The following RAPH1 variants were observed in gnomAD, a reference collection of about 807,000 sequenced individuals.
RAPH1 encodes Ras association (RalGDS/AF-6) and pleckstrin homology domains 1, also known as ras-associated and pleckstrin homology domains-containing protein 1.
RAPH1 carries 18 observed loss-of-function variants against 88.1 expected under a neutral mutation model. The observed-to-expected ratio is 0.20, with a 90% confidence interval of 0.14 to 0.30. The LOEUF is 0.30. Among genes scored for constraint, RAPH1 ranks in the 10% least tolerant of loss-of-function variants. The probability of loss-of-function intolerance (pLI) is 1.00; values close to 1 mark genes in which losing one functional copy is unlikely to be tolerated. For missense variants in RAPH1, 1,448 were observed against 1,543.2 expected (o/e 0.94, Z 1.03); for synonymous variants, 587 against 559.0 (o/e 1.05, Z -0.71).
chr2:203,513,270 T>C (rs145324707), intron 1 of RAPH1, among the ~76,000 whole-genome samples: 69 of 152,032 alleles, frequency 4.5e-4, no homozygotes, highest in African/African-American at 1.6e-3. Context: ...CCAACCCCAT[T>C]CTATTTTTGT....
rs757040780 is a variant in RAPH1, at chr2:203,489,966, GCTT to G, written c.347_349del (p.Lys116_Ala117delinsThr). 9.9e-6 allele frequency: 16 copies of G among 1,614,092 alleles called. No individual in the cohort carries two copies. In the African/African-American group the frequency reaches 2.1e-4, roughly 22 times the overall value. ...TCGGCTAACAGGCAATTTCTGAGTAGCTTTCGTTTCTGTGATTTGACGCTTACT... is the reference window on the plus strand; with the variant it reads ...TCGGCTAACAGGCAATTTCTGAGTAGTCGTTTCTGTGATTTGACGCTTACT... On this transcript the variant is annotated inframe_deletion, in exon 4 of 14. Coordinates refer to ENST00000319170, the MANE Select transcript of RAPH1 (RefSeq NM_213589.3).
In RAPH1 at chr2:203,448,164, G is replaced by T; in HGVS notation, c.1513-85C>A. 1.5e-6 allele frequency: 2 copies of T among 1,299,332 alleles called. No homozygotes were observed. The highest frequency in any genetic ancestry group is 2.2e-6 in the Non-Finnish European group (2 of 926,470). The allele number at this position is 1,299,332 out of a possible 1,614,324, so 80.5% of individuals were successfully genotyped here. A position where few individuals can be genotyped will look rare whatever the true frequency, so the allele number is the denominator to read the frequency against. ...AAGGTGAAATGGGGGACATATTTCTGTTTACTGATTGATGGTCTGTATTAA... is the reference window on the plus strand; with the variant it reads ...AAGGTGAAATGGGGGACATATTTCTTTTTACTGATTGATGGTCTGTATTAA... On this transcript the variant is annotated intron_variant, in intron 11 of 13. Transcript: ENST00000319170. This position sits in a 1 kb window ranked among gnomAD's most constrained non-coding sequence, Gnocchi z 4.1.
chr2:203,517,633 C>T (rs1689676447), intron 1 of RAPH1, among the ~76,000 whole-genome samples: 1 of 152,070 alleles, frequency 6.6e-6, no homozygotes, highest in Non-Finnish European at 1.5e-5. Context: ...ACACCATTAA[C>T]AAATGTAACA....
chr2:203,523,045 C>G (rs1047312751), intron 1 of RAPH1, among the ~76,000 whole-genome samples: 2 of 151,686 alleles, frequency 1.3e-5, no homozygotes, highest in Admixed American at 6.6e-5. Context: ...ATCAATGTAA[C>G]AGAATGGAAA....
chr2:203,448,283 C>G lies in RAPH1; in HGVS notation c.1513-204G>C, dbSNP rs2098511751. On this transcript the variant is annotated intron_variant, in intron 11 of 13. Transcript: ENST00000319170. This position sits in a 1 kb window ranked among gnomAD's most constrained non-coding sequence, Gnocchi z 4.1. ...CATTTTTAGAGGGGCAGCAAGAAGT[C>G]AACACTTGATTCTGTTTGTTATAAA... is the stretch of plus-strand genomic sequence containing the variant. 6.6e-6 allele frequency among the ~76,000 whole-genome samples: 1 copy of G among 152,144 alleles called. No homozygotes were observed. The highest frequency in any genetic ancestry group is 2.1e-4 in the South Asian group (1 of 4,828).
At chr2:203,507,883 T>C (rs904492878) in intron 1 of RAPH1, among the ~76,000 whole-genome samples, 2 of 152,126 alleles carry the variant, frequency 1.3e-5, no homozygotes, top group African/African-American at 4.8e-5. Flanking sequence ...GATAACAGTA[T>C]TGCAGTGACG....
chr2:203,440,432 G>A lies in RAPH1; in HGVS notation c.2758C>T (p.Pro920Ser). 6.5e-7 allele frequency: 1 copy of A among 1,548,740 alleles called. No individual in the cohort carries two copies. Among genetic ancestry groups the A allele is most frequent in the South Asian group, 1.2e-5 (1 of 80,116 alleles). Residue 920 changes from proline to serine, a missense_variant, in exon 14 of 14, where the codon CCT becomes TCT. Coordinates refer to ENST00000319170, the MANE Select transcript of RAPH1 (RefSeq NM_213589.3). Reference sequence around the variant, plus strand: ...GGAAACACCAGGCTGCTTTCAGGAGGGGGAGGAGGGAAGTCCGGAGAAGGG... The same window carrying A: ...GGAAACACCAGGCTGCTTTCAGGAGAGGGAGGAGGGAAGTCCGGAGAAGGG... The part of the protein sequence containing the change: ...PVPSPDFPPP[P>S]PESSLVFPPP...
At chr2:203,469,499 A>T (rs1304985508) in intron 4 of RAPH1, among the ~76,000 whole-genome samples, 1 of 152,206 alleles carries the variant, frequency 6.6e-6, no homozygotes, top group African/African-American at 2.4e-5. Flanking sequence ...CAATAACAAC[A>T]ACTTAGGGAC....
intron 13 of RAPH1, chr2:203,441,963 C>A: frequency 1.4e-6 from 2 of 1,475,826 alleles, no homozygotes; most frequent in South Asian, 3.1e-5. Flanking sequence ...CGTGCACAGT[C>A]ACACAGGAAT....
chr2:203,499,040 G>A (rs1375756734), intron 1 of RAPH1, among the ~76,000 whole-genome samples: 1 of 152,114 alleles, frequency 6.6e-6, no homozygotes, highest in Non-Finnish European at 1.5e-5. Flanking sequence ...ATACCACCTG[G>A]GTTTGTGTAA....
chr2:203,451,093 T>C (rs1375278310), intron 10 of RAPH1, among the ~76,000 whole-genome samples: 1 of 152,124 alleles, frequency 6.6e-6, no homozygotes, highest in Non-Finnish European at 1.5e-5. Context: ...CAAAACATTT[T>C]TTCATCCTCT....
At chr2:203,519,544 C>G (rs991816959) in intron 1 of RAPH1, among the ~76,000 whole-genome samples, 6 of 152,056 alleles carry the variant, frequency 3.9e-5, no homozygotes, top group Non-Finnish European at 7.4e-5. Flanking sequence ...TAACATAACA[C>G]TTAATGGTTA....
At chr2:203,500,087 T>G (rs1354681576) in intron 1 of RAPH1, among the ~76,000 whole-genome samples, 1 of 152,064 alleles carries the variant, frequency 6.6e-6, no homozygotes, top group African/African-American at 2.4e-5. Context: ...TGCCAGACAC[T>G]GGAGGAACAG....
intron 1 of RAPH1, among the ~76,000 whole-genome samples, chr2:203,514,557 G>T (rs544163545): frequency 1.6e-4 from 25 of 151,618 alleles, no homozygotes; most frequent in South Asian, 8.4e-4. Context: ...AATTTGTGGG[G>T]TTTTTTTGTT....
At chr2:203,522,373 C>T (rs979154718) in intron 1 of RAPH1, among the ~76,000 whole-genome samples, 1 of 152,130 alleles carries the variant, frequency 6.6e-6, no homozygotes, top group Non-Finnish European at 1.5e-5. Context: ...TTATGTAATA[C>T]ATTGTAAGGC....
At chr2:203,468,406 TG>T (rs1446010333) in intron 4 of RAPH1, among the ~76,000 whole-genome samples, 2 of 152,146 alleles carry the variant, frequency 1.3e-5, no homozygotes, top group African/African-American at 4.8e-5. Context: ...CTTATGTACA[TG>T]GAACACTCCC....
At chr2:203,485,343 G>T (rs368452519) in intron 4 of RAPH1, among the ~76,000 whole-genome samples, 1 of 151,460 alleles carries the variant, frequency 6.6e-6, no homozygotes, top group East Asian at 1.9e-4. Context: ...CCTGGGAGGC[G>T]GAGGTTGCAG....
intron 1 of RAPH1, among the ~76,000 whole-genome samples, chr2:203,519,137 A>G (rs1297989810): frequency 6.6e-6 from 1 of 152,240 alleles, no homozygotes; most frequent in Non-Finnish European, 1.5e-5. Flanking sequence ...GGAATAATAC[A>G]TAGTAACTCA....
rs2098499225 is a variant in RAPH1, at chr2:203,437,205, CA to C, written c.*2231del. 1 of 152,076 alleles carries C rather than the reference CA, an allele frequency of 6.6e-6. No homozygotes were observed. Among genetic ancestry groups the C allele is most frequent in the African/African-American group, 2.4e-5 (1 of 41,406 alleles). The allele number at this position is 152,076 out of a possible 1,614,324, so 9.4% of individuals were successfully genotyped here. A position where few individuals can be genotyped will look rare whatever the true frequency, so the allele number is the denominator to read the frequency against. ...ACATAAAGGCTGTTGTTTTAGGGCT[CA>C]AATCATGGGTGAAAAAAGGTTAGCG... On this transcript the variant is annotated 3_prime_UTR_variant, in exon 14 of 14. Coordinates refer to ENST00000319170, the MANE Select transcript of RAPH1 (RefSeq NM_213589.3).
Sources: allele counts gnomAD v4.1 joint callset (sites outside exome capture counted in the v4.1 genomes callset), GRCh38; gene constraint gnomAD v4.1.1; non-coding constraint Gnocchi (gnomAD v3.1); transcripts MANE v1.5; gene names NCBI Gene and HGNC (gene_info 2026-07-23, HGNC 2026-07-21).